Variants in NXPH1 observed in about 807,000 individuals in gnomAD.
The protein encoded by NXPH1 is neurexophilin-1.
NXPH1 carries 5 observed loss-of-function variants against 23.7 expected under a neutral mutation model. That is an observed-to-expected ratio of 0.21 (90% CI 0.11 to 0.44). NXPH1 has a LOEUF of 0.44. Among genes scored for constraint, NXPH1 ranks in the 20% least tolerant of loss-of-function variants. The probability of loss-of-function intolerance (pLI) is 0.99; values close to 1 mark genes in which losing one functional copy is unlikely to be tolerated. For synonymous variants in NXPH1, 144 were observed against 122.2 expected (o/e 1.18, Z -1.18); for missense variants, 324 against 321.6 (o/e 1.01, Z -0.06).
chr7:8,535,966 T>A (rs1213235165), intron 2 of NXPH1, among the ~76,000 whole-genome samples: 1 of 152,030 alleles, frequency 6.6e-6, no homozygotes, highest in African/African-American at 2.4e-5. Flanking sequence ...GTGATTGTGG[T>A]AACTCCTGTT....
intron 2 of NXPH1, among the ~76,000 whole-genome samples, chr7:8,694,303 A>C (rs1821269621): frequency 6.6e-6 from 1 of 152,192 alleles, no homozygotes; most frequent in Non-Finnish European, 1.5e-5. Context: ...TTGTCCCTTG[A>C]CACCCATGTC....
chr7:8,609,943 G>A (rs1025631867), intron 2 of NXPH1, among the ~76,000 whole-genome samples: 2 of 152,062 alleles, frequency 1.3e-5, no homozygotes, highest in Admixed American at 1.3e-4. Flanking sequence ...TGGCGAAGAA[G>A]GTATTGCATT....
At chr7:8,719,734 G>C (rs1233618609) in intron 2 of NXPH1, among the ~76,000 whole-genome samples, 2 of 152,082 alleles carry the variant, frequency 1.3e-5, no homozygotes, top group Non-Finnish European at 2.9e-5. Flanking sequence ...TACTTAAAAT[G>C]TGCAATGTTT....
At chr7:8,549,290 C>T (rs7789677) in intron 2 of NXPH1, among the ~76,000 whole-genome samples, 22,478 of 151,394 alleles carry the variant, frequency 0.15, 2,673 homozygotes, top group African/African-American at 0.33. Flanking sequence ...TGAGTTAACT[C>T]GTGACTGACA....
At chr7:8,640,842 G>T (rs1273879664) in intron 2 of NXPH1, among the ~76,000 whole-genome samples, 1 of 151,958 alleles carries the variant, frequency 6.6e-6, no homozygotes. Flanking sequence ...TAATCCCAAT[G>T]ACTCATGGGG....
rs536377228 is a variant in NXPH1, at chr7:8,434,333, G to A, written c.-533G>A. ...TCATTTCCACCATCCTCAGGCAGCT[G>A]TGGGAAGCCGAGAGTCCTGGACTGT... On this transcript the variant is annotated 5_prime_UTR_variant, in exon 1 of 3. In the 5' UTR this introduces an upstream ATG that the reference lacks. Transcript: ENST00000405863. This position sits in a 1 kb window ranked among gnomAD's most constrained non-coding sequence, Gnocchi z 7.6. 1 of 153,466 alleles carries A rather than the reference G, an allele frequency of 6.5e-6. No individual in the cohort carries two copies. Among genetic ancestry groups the A allele is most frequent in the African/African-American group, 2.4e-5 (1 of 41,582 alleles). 9.5% of individuals were successfully genotyped at this position (153,466 alleles called of 1,614,324 possible).
At position 8,729,515 on chromosome 7, in the gene NXPH1, G is replaced by A. The variant is rs1027863275; in HGVS notation, c.55-21493G>A. ...TCCCTCTACACACTGCTTTGAATGC[G>A]TCCCAGAGATTCTGGTATGTTGTGT... On this transcript the variant is annotated intron_variant, in intron 2 of 2. Coordinates refer to ENST00000405863, the MANE Select transcript of NXPH1 (RefSeq NM_152745.3). Among the ~76,000 whole-genome samples the A allele has an allele frequency of 3.7e-4, 48 of 131,326 alleles. 2 individuals carry two copies. Among genetic ancestry groups the A allele is most frequent in the East Asian group, 6.3e-4 (3 of 4,754 alleles). The allele number at this position is 131,326 out of a possible 152,430, so 86.2% of individuals were successfully genotyped here. A position where few individuals can be genotyped will look rare whatever the true frequency, so the allele number is the denominator to read the frequency against.
At chr7:8,582,816 T>C (rs763924435) in intron 2 of NXPH1, among the ~76,000 whole-genome samples, 20 of 152,198 alleles carry the variant, frequency 1.3e-4, no homozygotes, top group Non-Finnish European at 2.4e-4. Context: ...GTCCCTGGCT[T>C]GAAGGTGGAG....
At chr7:8,586,885 C>T (rs1242451637) in intron 2 of NXPH1, among the ~76,000 whole-genome samples, 1 of 152,020 alleles carries the variant, frequency 6.6e-6, no homozygotes, top group Admixed American at 6.6e-5. Context: ...GAAAGTAAAA[C>T]ACCATGCAAT....
intron 2 of NXPH1, among the ~76,000 whole-genome samples, chr7:8,585,091 C>T (rs1562412516): frequency 6.6e-6 from 1 of 152,198 alleles, no homozygotes; most frequent in Non-Finnish European, 1.5e-5. Flanking sequence ...AATATTTTTA[C>T]TGCTCTCTTT....
At chr7:8,679,648 T>C (rs1266783066) in intron 2 of NXPH1, among the ~76,000 whole-genome samples, 1 of 152,230 alleles carries the variant, frequency 6.6e-6, no homozygotes, top group Admixed American at 6.5e-5. Flanking sequence ...ATATTTGTGA[T>C]CAAATGTGTC....
intron 2 of NXPH1, among the ~76,000 whole-genome samples, chr7:8,458,043 ACTG>A (rs1816630527): frequency 6.6e-6 from 1 of 152,220 alleles, no homozygotes; most frequent in South Asian, 2.1e-4. Flanking sequence ...TTTAATTGGA[ACTG>A]ATGCATTTCA....
At chr7:8,716,301 T>G (rs1779877605) in intron 2 of NXPH1, among the ~76,000 whole-genome samples, 1 of 152,208 alleles carries the variant, frequency 6.6e-6, no homozygotes, top group African/African-American at 2.4e-5. Context: ...GACTATAGCT[T>G]TAATCTGCAA....
At chr7:8,441,537 T>C (rs942888015) in intron 2 of NXPH1, among the ~76,000 whole-genome samples, 1 of 152,090 alleles carries the variant, frequency 6.6e-6, no homozygotes. Context: ...GTCACTCAAT[T>C]TATTGTGAAA....
intron 2 of NXPH1, among the ~76,000 whole-genome samples, chr7:8,604,130 C>T (rs1243367975): frequency 6.6e-6 from 1 of 152,000 alleles, no homozygotes; most frequent in African/African-American, 2.4e-5. Flanking sequence ...GGTAGCTGCC[C>T]TTAATGTTGG....
chr7:8,620,812 A>T (rs1158549394), intron 2 of NXPH1, among the ~76,000 whole-genome samples: 1 of 152,216 alleles, frequency 6.6e-6, no homozygotes, highest in Non-Finnish European at 1.5e-5. Flanking sequence ...CTAATTTGTC[A>T]CTTTAAAGGC....
intron 2 of NXPH1, among the ~76,000 whole-genome samples, chr7:8,597,804 T>C (rs1240125810): frequency 1.3e-5 from 2 of 152,050 alleles, no homozygotes; most frequent in African/African-American, 4.8e-5. Flanking sequence ...TTAGCTACTG[T>C]TAATGCTGAT....
intron 2 of NXPH1, among the ~76,000 whole-genome samples, chr7:8,588,742 T>C (rs529306408): frequency 6.6e-6 from 1 of 152,170 alleles, no homozygotes; most frequent in African/African-American, 2.4e-5. Flanking sequence ...TGTTCTAAGA[T>C]GAGGGAGCTG....
chr7:8,492,987 T>C (rs1348468538), intron 2 of NXPH1, among the ~76,000 whole-genome samples: 1 of 152,014 alleles, frequency 6.6e-6, no homozygotes, highest in African/African-American at 2.4e-5. Context: ...TTAGAGTCAA[T>C]GAGCACAGGA....
Sources: allele counts gnomAD v4.1 joint callset (sites outside exome capture counted in the v4.1 genomes callset), GRCh38; gene constraint gnomAD v4.1.1; non-coding constraint Gnocchi (gnomAD v3.1); transcripts MANE v1.5; gene names NCBI Gene and HGNC (gene_info 2026-07-23, HGNC 2026-07-21).